A1CF: variants seen among roughly 807,000 people sequenced by gnomAD.
A1CF encodes the protein APOBEC-1 stimulating protein.
A neutral mutation model predicts 68.9 loss-of-function variants in A1CF; 48 were observed. The ratio of observed to expected loss-of-function variants is 0.70; its 90% CI spans 0.55 to 0.89. The LOEUF (loss-of-function observed/expected upper bound fraction) is 0.89, where lower values mean the gene tolerates loss of function less well. Ranked by LOEUF, A1CF falls within the 40% of genes least tolerant of loss-of-function variation. The pLI, the probability that A1CF is intolerant of heterozygous loss-of-function variation, is 0.00. For missense variants in A1CF, 653 were observed against 718.9 expected (o/e 0.91, Z 1.05); for synonymous variants, 272 against 260.4 (o/e 1.04, Z -0.43).
chr10:50,877,393 C>T (rs1326050491), intron 1 of A1CF, among the ~76,000 whole-genome samples: 1 of 152,154 alleles, frequency 6.6e-6, no homozygotes, highest in African/African-American at 2.4e-5. Flanking sequence ...TTAGTTGCTG[C>T]ATCTGGTTTC....
intron 1 of A1CF, among the ~76,000 whole-genome samples, chr10:50,867,189 G>T (rs1313377348): frequency 1.3e-5 from 2 of 151,872 alleles, no homozygotes; most frequent in Admixed American, 6.6e-5. Context: ...CAAAGGAAAA[G>T]AAATCAATAT....
intron 8 of A1CF, 79 bp downstream of exon 8, chr10:50,820,472 TG>T: frequency 8.1e-7 from 1 of 1,230,340 alleles, no homozygotes; most frequent in Non-Finnish European, 1.2e-6. Flanking sequence ...GAGACAGGCT[TG>T]CAGGACTGTG....
chr10:50,821,070 T>C (rs972953960), intron 7 of A1CF, among the ~76,000 whole-genome samples: 2 of 152,222 alleles, frequency 1.3e-5, no homozygotes, highest in Non-Finnish European at 2.9e-5. Context: ...CTCTTTTGTC[T>C]TATGTAATTA....
At chr10:50,816,561 G>A (rs1838382627) in intron 8 of A1CF, 2 of 338,680 alleles carry the variant, frequency 5.9e-6, no homozygotes, top group East Asian at 1.1e-4. Context: ...CAGTCACTGA[G>A]ACAGAAAGTT....
intron 6 of A1CF, among the ~76,000 whole-genome samples, chr10:50,831,499 C>A (rs1246338563): frequency 2.6e-5 from 4 of 152,164 alleles, no homozygotes; most frequent in Admixed American, 1.3e-4. Context: ...GAGGCCAAGG[C>A]TGGCAGATCA....
chr10:50,827,505 A>C (rs181732593), intron 7 of A1CF, among the ~76,000 whole-genome samples: 1 of 152,330 alleles, frequency 6.6e-6, no homozygotes, highest in Admixed American at 6.5e-5. Context: ...AACTACAAGG[A>C]AACTGAACAG....
At chr10:50,869,288 T>C (rs1315095388) in intron 1 of A1CF, among the ~76,000 whole-genome samples, 1 of 152,124 alleles carries the variant, frequency 6.6e-6, no homozygotes, top group Non-Finnish European at 1.5e-5. Flanking sequence ...TGAGAGCGCC[T>C]AACATAGTAC....
intron 9 of A1CF, 112 bp from the exon 10 acceptor site, chr10:50,814,150 C>T (rs1838257533): frequency 1.0e-5 from 12 of 1,172,028 alleles, no homozygotes; most frequent in South Asian, 2.9e-5. Context: ...GCCCAATTCA[C>T]GTTGATTATT....
chr10:50,813,932 G>A lies in A1CF; in HGVS notation c.1248C>T (p.Asp416=), dbSNP rs370408760. ...GGGTGAGCTCCATCCCAGGTAAAAT[G>A]TCATAGAGTTTGTCTTCTCTTTTGT... is the stretch of plus-strand genomic sequence containing the variant. ...KGDKREDKLY[D]ILPGMELTPM... Residue 416 remains aspartate, a synonymous_variant, in exon 10 of 13, where the codon GAC becomes GAT. Coordinates refer to ENST00000373997, the MANE Select transcript of A1CF (RefSeq NM_014576.4). The A allele has an allele frequency of 1.7e-5, 28 of 1,613,898 alleles. No individual in the cohort carries two copies. The highest frequency in any genetic ancestry group is 2.4e-5 in the Non-Finnish European group (28 of 1,179,870).
At chr10:50,882,736 C>T (rs1396206334) in intron 1 of A1CF, among the ~76,000 whole-genome samples, 5 of 152,160 alleles carry the variant, frequency 3.3e-5, no homozygotes, top group African/African-American at 7.2e-5. Context: ...TGTTTATCCT[C>T]TGTCGATCAA....
Position 50,860,152 on chromosome 10 carries a change from A to G in A1CF, c.-45-167T>C, listed in dbSNP as rs187866503. Among the ~76,000 whole-genome samples the G allele has an allele frequency of 5.3e-3, 800 of 152,320 alleles. 3 individuals carry two copies. The highest frequency in any genetic ancestry group is 0.014 in the Middle Eastern group (4 of 294). ...GCTGTGTAAATGTGCTCTTAAAAAA[A>G]AACTTTTAAAAATGCACAATATTGG... is the stretch of plus-strand genomic sequence containing the variant. On this transcript the variant is annotated intron_variant, in intron 2 of 12. Transcript: ENST00000373997.
intron 3 of A1CF, among the ~76,000 whole-genome samples, chr10:50,846,647 A>G (rs1434825913): frequency 6.6e-6 from 1 of 152,198 alleles, no homozygotes; most frequent in African/African-American, 2.4e-5. Context: ...CAGCAGATTG[A>G]CCTGTTTAAA....
At chr10:50,878,142 AAG>A (rs1416871396) in intron 1 of A1CF, among the ~76,000 whole-genome samples, 1 of 152,144 alleles carries the variant, frequency 6.6e-6, no homozygotes, top group African/African-American at 2.4e-5. Flanking sequence ...AAAAGAAAAA[AAG>A]AGAAAAACTG....
At chr10:50,870,572 A>G (rs1369033856) in intron 1 of A1CF, among the ~76,000 whole-genome samples, 2 of 151,898 alleles carry the variant, frequency 1.3e-5, no homozygotes, top group South Asian at 2.1e-4. Flanking sequence ...TGAATTTTTA[A>G]TCTCAAGGAT....
intron 1 of A1CF, among the ~76,000 whole-genome samples, chr10:50,865,084 CAT>C (rs1206124438): frequency 1.3e-5 from 2 of 152,194 alleles, no homozygotes; most frequent in African/African-American, 4.8e-5. Flanking sequence ...GCCTGGGTAA[CAT>C]GGCAAAAGCT....
intron 1 of A1CF, among the ~76,000 whole-genome samples, chr10:50,865,380 A>C (rs537800148): frequency 1.1e-4 from 17 of 152,308 alleles, no homozygotes; most frequent in African/African-American, 4.1e-4. Flanking sequence ...ATTCAATATT[A>C]ATATTGGGAG....
intron 3 of A1CF, 93 bp from the exon 4 acceptor site, chr10:50,844,215 A>T: frequency 2.6e-6 from 4 of 1,526,366 alleles, no homozygotes; most frequent in Non-Finnish European, 3.6e-6. Context: ...TTTCACATTA[A>T]TGAATGTATT....
At chr10:50,875,546 C>T (rs1394370202) in intron 1 of A1CF, among the ~76,000 whole-genome samples, 2 of 152,208 alleles carry the variant, frequency 1.3e-5, no homozygotes. Flanking sequence ...CTGTGAATTG[C>T]TATGAATTCT....
At chr10:50,838,044 C>T (rs12263043) in intron 5 of A1CF, among the ~76,000 whole-genome samples, 2,493 of 152,220 alleles carry the variant, frequency 0.016, 53 homozygotes, top group African/African-American at 0.056. Context: ...CCATGTGTTA[C>T]ATATTAGGCT....
Sources: gnomAD v4.1 joint callset for allele counts (sites outside exome capture counted in the v4.1 genomes callset) on GRCh38, gnomAD v4.1.1 for gene constraint, MANE v1.5 for transcripts, NCBI Gene and HGNC (gene_info 2026-07-23, HGNC 2026-07-21) for gene names.